The following EPB41L3 variants were observed in gnomAD, a reference collection of about 807,000 sequenced individuals.
The protein encoded by EPB41L3 is band 4.1-like protein 3.
Under a neutral mutation model 127.1 loss-of-function variants are expected in EPB41L3, and 57 were observed. The observed-to-expected ratio is 0.45, with a 90% CI of 0.36 to 0.56. The LOEUF (loss-of-function observed/expected upper bound fraction) is 0.56. Ranked by LOEUF, EPB41L3 falls within the 20% of genes least tolerant of loss-of-function variation. EPB41L3 has a pLI of 0.00. For synonymous variants in EPB41L3, 572 were observed against 549.5 expected (o/e 1.04, Z -0.57); for missense variants, 1,273 against 1,372.2 (o/e 0.93, Z 1.14).
intron 3 of EPB41L3, among the ~76,000 whole-genome samples, chr18:5,551,396 C>T (rs1785387): frequency 0.16 from 25,033 of 152,124 alleles, 2,270 homozygotes; most frequent in African/African-American, 0.24. Flanking sequence ...CACAGCTGCA[C>T]ATTAGCAGAA....
At chr18:5,517,622 G>C (rs1404833524) in intron 1 of EPB41L3, among the ~76,000 whole-genome samples, 1 of 152,014 alleles carries the variant, frequency 6.6e-6, no homozygotes, top group South Asian at 2.1e-4. Context: ...ATTTATAGTA[G>C]AGACAGGGTT....
intron 3 of EPB41L3, among the ~76,000 whole-genome samples, chr18:5,608,220 C>T (rs866115908): frequency 7.9e-5 from 12 of 152,218 alleles, no homozygotes; most frequent in Middle Eastern, 3.4e-3. Flanking sequence ...CGACTCTGTG[C>T]ACCCCAGAAA....
At chr18:5,542,241 G>C (rs1233966597) in intron 1 of EPB41L3, among the ~76,000 whole-genome samples, 1 of 152,208 alleles carries the variant, frequency 6.6e-6, no homozygotes, top group Non-Finnish European at 1.5e-5. Flanking sequence ...TCTTAATAGG[G>C]CTTTTCTGCT....
intron 3 of EPB41L3, among the ~76,000 whole-genome samples, chr18:5,599,892 T>C (rs1001335033): frequency 3.5e-4 from 54 of 152,158 alleles, no homozygotes; most frequent in African/African-American, 1.2e-3. Flanking sequence ...TATTCTCTTC[T>C]TGGAACTCAC....
At chr18:5,540,038 T>C (rs968868960) in intron 1 of EPB41L3, among the ~76,000 whole-genome samples, 2 of 152,172 alleles carry the variant, frequency 1.3e-5, no homozygotes, top group African/African-American at 4.8e-5. Context: ...CATACTTTTT[T>C]TAAAAGACAT....
chr18:5,506,594 G>A (rs2092222414), intron 1 of EPB41L3, among the ~76,000 whole-genome samples: 2 of 152,114 alleles, frequency 1.3e-5, no homozygotes, highest in South Asian at 2.1e-4. Flanking sequence ...TACTTCAGCT[G>A]CTTACTTTGG....
chr18:5,488,788 T>C, intron 2 of EPB41L3: 1 of 497,134 alleles, frequency 2.0e-6, no homozygotes, highest in Non-Finnish European at 3.4e-6. Flanking sequence ...TGAGTTTCAG[T>C]GTTTTAATTA....
At chr18:5,494,976 A>T (rs954645368) in intron 1 of EPB41L3, among the ~76,000 whole-genome samples, 6 of 152,170 alleles carry the variant, frequency 3.9e-5, no homozygotes, top group Non-Finnish European at 7.3e-5. Flanking sequence ...GGGCTTCTCC[A>T]TTGTTTCAGC....
chr18:5,426,060 C>T (rs994617797), intron 9 of EPB41L3, among the ~76,000 whole-genome samples: 4 of 152,218 alleles, frequency 2.6e-5, no homozygotes, highest in African/African-American at 9.6e-5. Context: ...TCTTTTATTT[C>T]TCTGGCTGTC....
At chr18:5,505,978 C>T (rs541032820) in intron 1 of EPB41L3, among the ~76,000 whole-genome samples, 30 of 151,240 alleles carry the variant, frequency 2.0e-4, no homozygotes, top group African/African-American at 6.6e-4. Context: ...CCCTTCTCTG[C>T]ATACCTTCAC....
At chr18:5,451,191 G>A (rs1464551874) in intron 3 of EPB41L3, among the ~76,000 whole-genome samples, 5 of 152,166 alleles carry the variant, frequency 3.3e-5, no homozygotes, top group Non-Finnish European at 7.4e-5. Context: ...GAAGATAAAT[G>A]CTTGTTTCTC....
chr18:5,556,366 C>T (rs1470618095), intron 3 of EPB41L3, among the ~76,000 whole-genome samples: 1 of 152,244 alleles, frequency 6.6e-6, no homozygotes, highest in African/African-American at 2.4e-5. Context: ...TGAGCAGCTA[C>T]TCTGGGTAGG....
At chr18:5,511,922 A>T (rs922427570) in intron 1 of EPB41L3, among the ~76,000 whole-genome samples, 1 of 152,256 alleles carries the variant, frequency 6.6e-6, no homozygotes, top group South Asian at 2.1e-4. Context: ...CAGTTTCAAA[A>T]GGCTTCCAGA....
intron 2 of EPB41L3, among the ~76,000 whole-genome samples, chr18:5,484,529 A>G (rs927580544): frequency 1.3e-5 from 2 of 151,870 alleles, no homozygotes; most frequent in East Asian, 3.8e-4. Flanking sequence ...TAAAAAAAAA[A>G]TACAGAAGAT....
At chr18:5,603,484 A>T (rs1005574058) in intron 3 of EPB41L3, among the ~76,000 whole-genome samples, 3 of 152,170 alleles carry the variant, frequency 2.0e-5, no homozygotes, top group African/African-American at 7.2e-5. Context: ...AGAGTCTGGG[A>T]GTGGAATAAA....
chr18:5,449,434 ACTAAAC>A (rs1438905216), intron 3 of EPB41L3, among the ~76,000 whole-genome samples: 2 of 152,166 alleles, frequency 1.3e-5, no homozygotes, highest in Non-Finnish European at 2.9e-5. Context: ...TTCTTACAAA[ACTAAAC>A]CTATTCTTGC....
At chr18:5,443,774 A>C (rs892147518) in intron 5 of EPB41L3, 64 bp downstream of exon 5, 16 of 1,412,090 alleles carry the variant, frequency 1.1e-5, no homozygotes, top group Non-Finnish European at 1.6e-5. Flanking sequence ...TGGGCTACCA[A>C]TTCAGACAAC....
chr18:5,476,222 A>C (rs1183933456), intron 3 of EPB41L3, among the ~76,000 whole-genome samples: 1 of 152,154 alleles, frequency 6.6e-6, no homozygotes, highest in East Asian at 1.9e-4. Context: ...GTATTTTCTG[A>C]TATCAATGTC....
chr18:5,575,116 G>A (rs1447734647), intron 3 of EPB41L3, among the ~76,000 whole-genome samples: 2 of 152,084 alleles, frequency 1.3e-5, no homozygotes, highest in Non-Finnish European at 2.9e-5. Flanking sequence ...TTGGGAGGGT[G>A]GTTCTCAGCC....
Sources: allele counts gnomAD v4.1 joint callset (sites outside exome capture counted in the v4.1 genomes callset), GRCh38; gene constraint gnomAD v4.1.1; transcripts MANE v1.5; gene names NCBI Gene and HGNC (gene_info 2026-07-23, HGNC 2026-07-21).